The following ACBD6 variants were observed in gnomAD, a reference collection of about 807,000 sequenced individuals.
ACBD6 encodes the protein acyl-CoA binding domain containing 6.
In ACBD6, 28 loss-of-function variants were observed where a neutral mutation model predicts 37.2. The observed-to-expected ratio is 0.75, with a 90% CI of 0.56 to 1.03. The LOEUF is 1.03. Among genes scored for constraint, ACBD6 ranks in the 50% least tolerant of loss-of-function variants. The pLI is 0.00. For synonymous variants in ACBD6, 113 were observed against 126.8 expected, an observed-to-expected ratio of 0.89 and a Z score of 0.73; for missense variants, 340 against 337.4, an observed-to-expected ratio of 1.01 and a Z score of -0.06.
intron 3 of ACBD6, among the ~76,000 whole-genome samples, chr1:180,473,404 G>A (rs1365926679): frequency 1.4e-5 from 2 of 139,438 alleles, no homozygotes; most frequent in Non-Finnish European, 3.0e-5. Context: ...CCGAGATCCC[G>A]CCACTGCACT....
At chr1:180,435,052 A>G in intron 3 of ACBD6, 1 of 877,386 alleles carries the variant, frequency 1.1e-6, no homozygotes, top group East Asian at 2.4e-5. Flanking sequence ...ATTACCGTGG[A>G]AGGTCAGCTT....
At chr1:180,347,223 A>G (rs577343318) in intron 6 of ACBD6, among the ~76,000 whole-genome samples, 1 of 152,188 alleles carries the variant, frequency 6.6e-6, no homozygotes, top group African/African-American at 2.4e-5. Context: ...GTAACTTGAA[A>G]TCATGTCATG....
chr1:180,442,758 CCA>C (rs1168732785), intron 3 of ACBD6, among the ~76,000 whole-genome samples: 1 of 152,116 alleles, frequency 6.6e-6, no homozygotes, highest in Non-Finnish European at 1.5e-5. Context: ...TTAATCATAT[CCA>C]GTCTATTTTT....
At chr1:180,409,210 G>T (rs748755660) in intron 5 of ACBD6, among the ~76,000 whole-genome samples, 1 of 152,002 alleles carries the variant, frequency 6.6e-6, no homozygotes, top group Admixed American at 6.6e-5. Flanking sequence ...AGGTAAGAGA[G>T]AATTTTTTTG....
chr1:180,356,637 G>A (rs72714816), intron 6 of ACBD6, among the ~76,000 whole-genome samples: 6,829 of 151,778 alleles, frequency 0.045, 224 homozygotes, highest in South Asian at 0.088. Context: ...GCTTGAGTTC[G>A]TAAGTTCAAG....
chr1:180,462,955 A>C (rs1038404936), intron 3 of ACBD6, among the ~76,000 whole-genome samples: 6 of 152,166 alleles, frequency 3.9e-5, no homozygotes, highest in Admixed American at 2.0e-4. Context: ...CATGGAAATT[A>C]AATACCTTGC....
chr1:180,500,947 A>G (rs150301430), intron 1 of ACBD6, among the ~76,000 whole-genome samples: 23 of 152,172 alleles, frequency 1.5e-4, no homozygotes, highest in African/African-American at 5.5e-4. Flanking sequence ...TGTCTTGCAC[A>G]TAAAAGCTGC....
chr1:180,493,844 C>T (rs1351904151), intron 2 of ACBD6, among the ~76,000 whole-genome samples: 3 of 152,200 alleles, frequency 2.0e-5, no homozygotes. Flanking sequence ...AAGAGTCCAA[C>T]TGTTTTATAA....
At chr1:180,469,172 G>T (rs1650464172) in intron 3 of ACBD6, among the ~76,000 whole-genome samples, 1 of 152,072 alleles carries the variant, frequency 6.6e-6, no homozygotes, top group South Asian at 2.1e-4. Flanking sequence ...CTTTTTACCT[G>T]TCAAGAATTA....
chr1:180,280,135 T>C (rs1355823937), intron 9 of ACBD6, among the ~76,000 whole-genome samples: 3 of 152,248 alleles, frequency 2.0e-5, no homozygotes, highest in Non-Finnish European at 4.4e-5. Context: ...AGTTCTATCA[T>C]TGCAGATGGC....
At position 180,290,708 on chromosome 1, in the gene ACBD6, C is replaced by G. The variant is rs186194332; in HGVS notation, c.695-2191G>C. On this transcript the variant is annotated intron_variant, in intron 7 of 7. Coordinates refer to ENST00000367595, the MANE Select transcript of ACBD6 (RefSeq NM_032360.4). ...AGATGTAAGATGAGCTTTGAAGGAT[C>G]GAGCAAAATTTCTGAGAAGGAAAGG... Among the ~76,000 whole-genome samples, 1,106 of 143,370 alleles carry G rather than the reference C, an allele frequency of 7.7e-3. 9 individuals are homozygous for G. Among genetic ancestry groups the G allele is most frequent in the Non-Finnish European group, 0.012 (746 of 62,960 alleles). 94.1% of individuals were successfully genotyped at this position (143,370 alleles called of 152,430 possible).
chr1:180,473,072 G>A (rs972551751), intron 3 of ACBD6, among the ~76,000 whole-genome samples: 1 of 152,172 alleles, frequency 6.6e-6, no homozygotes, highest in Non-Finnish European at 1.5e-5. Context: ...AAAGCAGAAA[G>A]ATTAAGATAG....
chr1:180,340,204 T>G lies in ACBD6; in HGVS notation c.664-25482A>C, dbSNP rs115414328. Among the ~76,000 whole-genome samples, 559 of 152,188 alleles carry G rather than the reference T, an allele frequency of 3.7e-3. 2 individuals carry two copies. The highest frequency in any genetic ancestry group is 0.012 in the African/African-American group (519 of 41,534). On this transcript the variant is annotated intron_variant, in intron 6 of 7. Transcript: ENST00000367595. ...GTAAGCCATTCTAAGGATTTTGGCT[T>G]TTATGTTTAATTCAGTGAGAGACCA...
At chr1:180,384,290 C>A (rs1186544227) in intron 6 of ACBD6, among the ~76,000 whole-genome samples, 3 of 151,892 alleles carry the variant, frequency 2.0e-5, no homozygotes, top group Non-Finnish European at 4.4e-5. Flanking sequence ...ATACAAGAAA[C>A]TCAAACCATT....
At chr1:180,383,911 A>C (rs200418226) in intron 6 of ACBD6, among the ~76,000 whole-genome samples, 1 of 152,136 alleles carries the variant, frequency 6.6e-6, no homozygotes, top group East Asian at 1.9e-4. Flanking sequence ...CCAAGAATAT[A>C]CATTGAGGGA....
intron 6 of ACBD6, among the ~76,000 whole-genome samples, chr1:180,392,822 C>T (rs1043545858): frequency 1.1e-4 from 17 of 152,030 alleles, no homozygotes; most frequent in African/African-American, 3.9e-4. Context: ...ACCGAGAGGG[C>T]GCAGGGCTAG....
At chr1:180,333,653 G>A (rs1651575849) in intron 6 of ACBD6, among the ~76,000 whole-genome samples, 1 of 152,242 alleles carries the variant, frequency 6.6e-6, no homozygotes, top group African/African-American at 2.4e-5. Context: ...ACTGGGGAGT[G>A]TCAGAAAGTG....
chr1:180,448,650 C>T (rs141573299), intron 3 of ACBD6, among the ~76,000 whole-genome samples: 3 of 152,260 alleles, frequency 2.0e-5, no homozygotes, highest in Non-Finnish European at 2.9e-5. Flanking sequence ...GAGAACGTTA[C>T]CATGAACCTC....
At chr1:180,290,502 C>G (rs1456479154) in intron 7 of ACBD6, among the ~76,000 whole-genome samples, 2 of 152,206 alleles carry the variant, frequency 1.3e-5, no homozygotes, top group Non-Finnish European at 2.9e-5. Flanking sequence ...TGAGCACATA[C>G]TGTACCAGTC....
Sources: allele counts gnomAD v4.1 joint callset (sites outside exome capture counted in the v4.1 genomes callset), GRCh38; gene constraint gnomAD v4.1.1; transcripts MANE v1.5; gene names NCBI Gene and HGNC (gene_info 2026-07-23, HGNC 2026-07-21).